Variants in ZBTB16 observed in about 807,000 individuals in gnomAD.
ZBTB16 encodes zinc finger and BTB domain containing 16.
ZBTB16 carries 8 observed loss-of-function variants against 56.8 expected under a neutral mutation model. The observed-to-expected ratio is 0.14, with a 90% CI of 0.08 to 0.25. ZBTB16 has a LOEUF of 0.25. ZBTB16 is among the 10% of genes least tolerant of loss of function. ZBTB16 has a pLI of 1.00. For synonymous variants in ZBTB16, 363 were observed against 368.5 expected, an observed-to-expected ratio of 0.98 and a Z score of 0.17; for missense variants, 625 against 903.0, an observed-to-expected ratio of 0.69 and a Z score of 3.95.
intron 2 of ZBTB16, among the ~76,000 whole-genome samples, chr11:114,103,037 C>G (rs1940669565): frequency 6.6e-6 from 1 of 152,248 alleles, no homozygotes; most frequent in African/African-American, 2.4e-5. Flanking sequence ...TGAAGGCAAA[C>G]ATTACTGTAT....
chr11:114,130,030 G>A (rs567240050), intron 2 of ZBTB16, among the ~76,000 whole-genome samples: 3 of 152,254 alleles, frequency 2.0e-5, no homozygotes, highest in African/African-American at 7.2e-5. Context: ...TGGAAATCAA[G>A]TGTCTCTTAA....
Position 114,250,579 on chromosome 11 carries a change from C to A in ZBTB16, c.*24C>A, listed in dbSNP as rs115496918. 6.2e-7 allele frequency: 1 copy of A among 1,610,518 alleles called. No individual in the cohort carries two copies. Among genetic ancestry groups the A allele is most frequent in the South Asian group, 1.1e-5 (1 of 90,932 alleles). On this transcript the variant is annotated 3_prime_UTR_variant, in exon 7 of 7. Coordinates refer to ENST00000335953, the MANE Select transcript of ZBTB16 (RefSeq NM_006006.6). This position sits in a 1 kb window ranked among gnomAD's most constrained non-coding sequence, Gnocchi z 6.0. ...GAAGGGAGGCCCGCGGCGGTGGAGC[C>A]GAGCGGGGAGCCAGGAAAGAAGAGT...
In ZBTB16 at chr11:114,229,805, G is replaced by A. The variant is rs554101117; in HGVS notation, c.1454-12362G>A. Among the ~76,000 whole-genome samples, 11 of 152,304 alleles carry A rather than the reference G, an allele frequency of 7.2e-5. No individual in the cohort carries two copies. In the South Asian group the frequency reaches 2.3e-3, roughly 32 times the overall value. On this transcript the variant is annotated intron_variant, in intron 4 of 6. Transcript: ENST00000335953. ...AGGACCTAACACAGACTGGGTTTTA[G>A]CTTTTTAGAAGGATGTGAAGATGGG... is the stretch of plus-strand genomic sequence containing the variant.
intron 3 of ZBTB16, 55 bp from the exon 4 acceptor site, chr11:114,186,897 C>A: frequency 6.4e-7 from 1 of 1,574,006 alleles, no homozygotes; most frequent in South Asian, 1.1e-5. Flanking sequence ...CCCAGGACCT[C>A]CCCGCTCACC....
rs757566912 is a variant in ZBTB16 at position 114,235,624 on chromosome 11, C to CCCTTCCTTCCTT, written c.1454-6535_1454-6534insCCTTCCTTCCTT. The stretch of plus-strand genomic sequence containing the variant: ...TCTCTCTCTTTCTTTCTTTCCCTCT[C>CCCTTCCTTCCTT]CCTTCCTTTCTTTCTTTCTTTCTTT... On this transcript the variant is annotated intron_variant, in intron 4 of 6. Coordinates refer to ENST00000335953, the MANE Select transcript of ZBTB16 (RefSeq NM_006006.6). Among the ~76,000 whole-genome samples the CCCTTCCTTCCTT allele has an allele frequency of 6.7e-3, 838 of 125,190 alleles. 18 individuals carry two copies. Among genetic ancestry groups the CCCTTCCTTCCTT allele is most frequent in the African/African-American group, 0.024 (791 of 33,106 alleles). The allele number at this position is 125,190 out of a possible 152,430, so 82.1% of individuals were successfully genotyped here.
intron 5 of ZBTB16, among the ~76,000 whole-genome samples, chr11:114,244,002 T>C (rs1017093235): frequency 1.3e-5 from 2 of 152,154 alleles, no homozygotes; most frequent in Admixed American, 6.5e-5. Context: ...GTGCTGCCTA[T>C]GCACACACAG....
In ZBTB16 at chr11:114,162,177, A is replaced by G. The variant is rs951388343; in HGVS notation, c.1366+5743A>G. Among the ~76,000 whole-genome samples the G allele has an allele frequency of 3.9e-5, 6 of 152,348 alleles. No homozygotes were observed. In the East Asian group the frequency reaches 5.8e-4, roughly 15 times the overall value. ...CCTGGGTCATCCTCCTGGCAGGGAA[A>G]AGGGCTGGAGGAGTCCTTCAGATTG... On this transcript the variant is annotated intron_variant, in intron 3 of 6. Transcript: ENST00000335953.
chr11:114,150,911 C>T (rs1942262799), intron 2 of ZBTB16, among the ~76,000 whole-genome samples: 1 of 152,214 alleles, frequency 6.6e-6, no homozygotes, highest in South Asian at 2.1e-4. Flanking sequence ...GGCTGCATGT[C>T]AGCACCAACT....
chr11:114,087,101 C>T (rs186220687), intron 2 of ZBTB16, among the ~76,000 whole-genome samples: 1 of 152,290 alleles, frequency 6.6e-6, no homozygotes, highest in East Asian at 1.9e-4. Flanking sequence ...TGGCCACCTC[C>T]CCCTCTTCCT....
chr11:114,110,751 G>A (rs929834555), intron 2 of ZBTB16, among the ~76,000 whole-genome samples: 12 of 152,270 alleles, frequency 7.9e-5, no homozygotes, highest in Admixed American at 3.9e-4. Context: ...AAATATTTAC[G>A]TAATAAAAAG....
At chr11:114,172,263 G>C (rs535134029) in intron 3 of ZBTB16, among the ~76,000 whole-genome samples, 2 of 152,310 alleles carry the variant, frequency 1.3e-5, no homozygotes, top group South Asian at 4.1e-4. Flanking sequence ...AGGCAGAAGA[G>C]ACAAAAACTG....
At chr11:114,102,304 G>A (rs1241775538) in intron 2 of ZBTB16, among the ~76,000 whole-genome samples, 1 of 152,194 alleles carries the variant, frequency 6.6e-6, no homozygotes, top group African/African-American at 2.4e-5. Context: ...TGGCAGCCAA[G>A]TTTGGGTTTA....
At chr11:114,201,815 T>C (rs371551768) in intron 4 of ZBTB16, among the ~76,000 whole-genome samples, 1 of 152,242 alleles carries the variant, frequency 6.6e-6, no homozygotes, top group African/African-American at 2.4e-5. Flanking sequence ...TGTTCTACTT[T>C]CTGCTTTATC....
intron 2 of ZBTB16, among the ~76,000 whole-genome samples, chr11:114,121,638 A>G (rs1365958430): frequency 6.6e-6 from 1 of 152,170 alleles, no homozygotes; most frequent in African/African-American, 2.4e-5. Flanking sequence ...AGGTGAGGAA[A>G]CTGAGGCACA....
rs545045478 is a variant in ZBTB16 at position 114,253,769 on chromosome 11, G to A, written c.*3214G>A. Among the ~76,000 whole-genome samples, 3 of 152,324 alleles carry A rather than the reference G, an allele frequency of 2.0e-5. No homozygotes were observed. In the South Asian group the frequency reaches 6.2e-4, roughly 32 times the overall value. ...CAACAGAACAGTTCTAATGTTGCAC[G>A]GCCTAGTGGCCAGGGGGCAAGCTAA... On this transcript the variant is annotated 3_prime_UTR_variant, in exon 7 of 7. Coordinates refer to ENST00000335953, the MANE Select transcript of ZBTB16 (RefSeq NM_006006.6).
chr11:114,110,527 AAGG>A (rs1162780970), intron 2 of ZBTB16, among the ~76,000 whole-genome samples: 1 of 152,182 alleles, frequency 6.6e-6, no homozygotes, highest in African/African-American at 2.4e-5. Flanking sequence ...AGATTTAAAG[AAGG>A]AGGGCCAGTG....
chr11:114,073,269 C>G (rs1939418118), intron 2 of ZBTB16, among the ~76,000 whole-genome samples: 1 of 152,088 alleles, frequency 6.6e-6, no homozygotes, highest in Non-Finnish European at 1.5e-5. Flanking sequence ...AGTACGTCAT[C>G]TCTTACCAAC....
At chr11:114,200,841 G>A (rs1485503097) in intron 4 of ZBTB16, among the ~76,000 whole-genome samples, 4 of 152,006 alleles carry the variant, frequency 2.6e-5, no homozygotes, top group South Asian at 2.1e-4. Flanking sequence ...CCTTAGTGAC[G>A]CCATGGCTGC....
At chr11:114,110,061 T>G (rs1368437757) in intron 2 of ZBTB16, among the ~76,000 whole-genome samples, 2 of 151,994 alleles carry the variant, frequency 1.3e-5, no homozygotes, top group East Asian at 3.9e-4. Context: ...GGGACTAGAC[T>G]CTCAGAGAAG....
Sources: allele counts gnomAD v4.1 joint callset (sites outside exome capture counted in the v4.1 genomes callset), GRCh38; gene constraint gnomAD v4.1.1; non-coding constraint Gnocchi (gnomAD v3.1); transcripts MANE v1.5; gene names NCBI Gene and HGNC (gene_info 2026-07-23, HGNC 2026-07-21).